The following VRTN variants were observed in gnomAD, a reference collection of about 807,000 sequenced individuals.
The protein encoded by VRTN is vertebrae development associated, also known as vertnin.
Under a neutral mutation model 18.2 loss-of-function variants are expected in VRTN, and 5 were observed. The ratio of observed to expected loss-of-function variants is 0.27; its 90% CI spans 0.14 to 0.58. The LOEUF (loss-of-function observed/expected upper bound fraction) is 0.58, where lower values mean the gene tolerates loss of function less well. VRTN is among the 20% of genes least tolerant of loss of function. VRTN has a pLI of 0.91. For missense variants in VRTN, 741 were observed against 939.4 expected (o/e 0.79, Z 2.76); for synonymous variants, 381 against 393.7 (o/e 0.97, Z 0.38).
At chr14:74,343,615 C>T (rs1042316820), upstream of VRTN, among the ~76,000 whole-genome samples, 1 of 152,164 alleles carries the variant, frequency 6.6e-6, no homozygotes, top group Non-Finnish European at 1.5e-5. Context: ...AGACTGGATC[C>T]ATAAATCACG....
intron 2 of VRTN, among the ~76,000 whole-genome samples, chr14:74,342,662 G>A (rs2085614627): frequency 6.6e-6 from 1 of 151,676 alleles, no homozygotes; most frequent in Non-Finnish European, 1.5e-5. Flanking sequence ...CCTTGAGACA[G>A]GGTCTCACTC....
intron 1 of VRTN, among the ~76,000 whole-genome samples, chr14:74,304,642 A>G (rs2085304752): frequency 6.6e-6 from 1 of 152,114 alleles, no homozygotes; most frequent in Admixed American, 6.6e-5. Context: ...TGACCTAGGC[A>G]TCCCAAAATG....
At chr14:74,306,068 AAAATTT>A (rs1037713227) in intron 1 of VRTN, 3 of 148,954 alleles carry the variant, frequency 2.0e-5, no homozygotes, top group African/African-American at 4.9e-5. Flanking sequence ...CAGATTTTTT[AAAATTT>A]AAATTTAAAG....
chr14:74,314,536 A>G (rs1483226372), intron 1 of VRTN, among the ~76,000 whole-genome samples: 1 of 151,220 alleles, frequency 6.6e-6, no homozygotes, highest in Non-Finnish European at 1.5e-5. Context: ...AGCTGGGACT[A>G]CAGGTGCACA....
At chr14:74,336,761 G>A (rs989317289) in intron 1 of VRTN, among the ~76,000 whole-genome samples, 3 of 152,012 alleles carry the variant, frequency 2.0e-5, no homozygotes, top group South Asian at 2.1e-4. Context: ...CAACAAGAGC[G>A]AAACTCCATC....
At chr14:74,337,333 C>A (rs1312495027) in intron 1 of VRTN, among the ~76,000 whole-genome samples, 3 of 151,858 alleles carry the variant, frequency 2.0e-5, no homozygotes, top group African/African-American at 7.3e-5. Flanking sequence ...CAGAGTGAGA[C>A]CCTGCCTCAA....
chr14:74,319,941 T>C (rs960594695), intron 1 of VRTN, among the ~76,000 whole-genome samples: 2 of 152,054 alleles, frequency 1.3e-5, no homozygotes, highest in Admixed American at 6.6e-5. Context: ...AGCCAAAGAA[T>C]ATGAGTGCTT....
intron 1 of VRTN, among the ~76,000 whole-genome samples, chr14:74,321,968 G>A (rs2085458713): frequency 6.6e-6 from 1 of 152,020 alleles, no homozygotes. Flanking sequence ...AGCCTCCTGA[G>A]TAGCTGAGAC....
chr14:74,344,770 ATATGTG>A (rs2085632992), upstream of VRTN, among the ~76,000 whole-genome samples: 1 of 151,490 alleles, frequency 6.6e-6, no homozygotes, highest in African/African-American at 2.4e-5. Flanking sequence ...AAATGTAAAA[ATATGTG>A]TGTAACCCTC....
intron 2 of VRTN, among the ~76,000 whole-genome samples, chr14:74,340,783 C>T (rs909599247): frequency 3.9e-5 from 6 of 152,150 alleles, no homozygotes; most frequent in Admixed American, 3.3e-4. Flanking sequence ...CGGAGTCTTG[C>T]TCTGTCGCCC....
upstream of VRTN, chr14:74,303,022 G>A: frequency 8.5e-7 from 1 of 1,178,770 alleles, no homozygotes; most frequent in Non-Finnish European, 1.1e-6. Flanking sequence ...TTGATAGAGA[G>A]GAAGGTGCGG....
chr14:74,331,645 T>C (rs2085526729), intron 1 of VRTN, among the ~76,000 whole-genome samples: 1 of 141,256 alleles, frequency 7.1e-6, no homozygotes, highest in African/African-American at 2.6e-5. Context: ...AAGTCCTCAA[T>C]AAGTTCTAGC....
intron 1 of VRTN, among the ~76,000 whole-genome samples, chr14:74,355,316 A>T (rs2085718221): frequency 1.3e-5 from 2 of 152,158 alleles, no homozygotes; most frequent in African/African-American, 2.4e-5. Flanking sequence ...CTGAATGACC[A>T]GTGTCTATTA....
At chr14:74,355,154 A>G (rs971298069) in intron 1 of VRTN, among the ~76,000 whole-genome samples, 6 of 152,070 alleles carry the variant, frequency 3.9e-5, no homozygotes, top group Non-Finnish European at 7.4e-5. Context: ...AAAAAAAAAA[A>G]AAAAAAATTG....
upstream of VRTN, among the ~76,000 whole-genome samples, chr14:74,343,496 A>G (rs1017735402): frequency 6.6e-6 from 1 of 152,234 alleles, no homozygotes; most frequent in African/African-American, 2.4e-5. Flanking sequence ...TACAATTTGA[A>G]GGTACGGCTA....
intron 1 of VRTN, among the ~76,000 whole-genome samples, chr14:74,319,102 A>ACCACACTGAAACCTCCGCCTCC (rs2085436802): frequency 6.6e-6 from 1 of 151,538 alleles, no homozygotes; most frequent in South Asian, 2.1e-4. Flanking sequence ...ACCTTGGCTC[A>ACCACACTGAAACCTCCGCCTCC]CCACACTGAA....
At chr14:74,340,418 G>T (rs915565655) in intron 2 of VRTN, among the ~76,000 whole-genome samples, 1 of 150,894 alleles carries the variant, frequency 6.6e-6, no homozygotes, top group African/African-American at 2.4e-5. Context: ...GGCCATGTTT[G>T]TATTTTTAGT....
chr14:74,307,032 A>G (rs911876006), intron 1 of VRTN, among the ~76,000 whole-genome samples: 3 of 152,100 alleles, frequency 2.0e-5, no homozygotes, highest in African/African-American at 7.2e-5. Context: ...GCATTATTTA[A>G]AATGTTCTGA....
upstream of VRTN, among the ~76,000 whole-genome samples, chr14:74,347,277 C>T (rs1052959730): frequency 5.3e-5 from 8 of 152,206 alleles, no homozygotes; most frequent in African/African-American, 7.2e-5. Context: ...CATTCAAACC[C>T]AAGTCCAAGA....
Sources: gnomAD v4.1 joint callset for allele counts (sites outside exome capture counted in the v4.1 genomes callset) on GRCh38, gnomAD v4.1.1 for gene constraint, MANE v1.5 for transcripts, NCBI Gene and HGNC (gene_info 2026-07-23, HGNC 2026-07-21) for gene names.